Variants in AJAP1 observed in about 807,000 individuals in gnomAD.
AJAP1 encodes adherens junction-associated protein 1.
A neutral mutation model predicts 35.0 loss-of-function variants in AJAP1; 5 were observed. The observed-to-expected ratio is 0.14, with a 90% confidence interval of 0.07 to 0.30. The LOEUF (loss-of-function observed/expected upper bound fraction) is 0.30, where lower values mean the gene tolerates loss of function less well. Ranked by LOEUF, AJAP1 falls within the 10% of genes least tolerant of loss-of-function variation. The probability of loss-of-function intolerance (pLI) is 1.00; values close to 1 mark genes in which losing one functional copy is unlikely to be tolerated. For synonymous variants in AJAP1, 284 were observed against 249.3 expected, an observed-to-expected ratio of 1.14 and a Z score of -1.31; for missense variants, 586 against 571.0, an observed-to-expected ratio of 1.03 and a Z score of -0.27.
chr1:4,694,880 C>T (rs1444816689), intron 1 of AJAP1, among the ~76,000 whole-genome samples: 1 of 152,098 alleles, frequency 6.6e-6, no homozygotes, highest in Non-Finnish European at 1.5e-5. Context: ...GTCAGGTTAG[C>T]CTCAGTATTG....
At chr1:4,738,334 A>G (rs1461035028) in intron 2 of AJAP1, among the ~76,000 whole-genome samples, 1 of 152,268 alleles carries the variant, frequency 6.6e-6, no homozygotes, top group Non-Finnish European at 1.5e-5. Context: ...GACTGAGTCA[A>G]TACACAAGAT....
At chr1:4,751,109 C>T (rs571510268) in intron 2 of AJAP1, among the ~76,000 whole-genome samples, 7 of 152,096 alleles carry the variant, frequency 4.6e-5, no homozygotes, top group Non-Finnish European at 1.0e-4. Flanking sequence ...TCTCGCTCCC[C>T]TGGCTGCCTT....
At chr1:4,767,493 A>G (rs1006244815) in intron 2 of AJAP1, among the ~76,000 whole-genome samples, 8 of 151,364 alleles carry the variant, frequency 5.3e-5, no homozygotes, top group Admixed American at 3.9e-4. Context: ...CACCATTACC[A>G]TCATTATCAC....
chr1:4,757,025 G>A (rs1313540016), intron 2 of AJAP1, among the ~76,000 whole-genome samples: 1 of 152,166 alleles, frequency 6.6e-6, no homozygotes, highest in Non-Finnish European at 1.5e-5. Context: ...CCTGGAATGA[G>A]ATGAGAGCCT....
chr1:4,761,383 C>A (rs769890628), intron 2 of AJAP1, among the ~76,000 whole-genome samples: 19 of 152,172 alleles, frequency 1.2e-4, no homozygotes, highest in Admixed American at 5.2e-4. Flanking sequence ...TAGTTCAGAG[C>A]AATCTCCAAA....
chr1:4,699,190 CA>C (rs781323676), intron 1 of AJAP1, among the ~76,000 whole-genome samples: 8 of 152,178 alleles, frequency 5.3e-5, no homozygotes, highest in Non-Finnish European at 1.0e-4. Context: ...ATGCTCTGCC[CA>C]AACCCACCTG....
intron 2 of AJAP1, among the ~76,000 whole-genome samples, chr1:4,712,920 T>G (rs1640299229): frequency 6.6e-6 from 1 of 152,174 alleles, no homozygotes; most frequent in Admixed American, 6.5e-5. Flanking sequence ...CTTTTTAGTA[T>G]GTACCTAGAA....
intron 2 of AJAP1, among the ~76,000 whole-genome samples, chr1:4,725,758 A>G (rs1325759476): frequency 6.6e-6 from 1 of 152,074 alleles, no homozygotes; most frequent in East Asian, 1.9e-4. Context: ...GGCTCCTCCC[A>G]AGGCCTCTCT....
At chr1:4,696,403 A>G (rs1639859858) in intron 1 of AJAP1, among the ~76,000 whole-genome samples, 1 of 152,126 alleles carries the variant, frequency 6.6e-6, no homozygotes, top group South Asian at 2.1e-4. Flanking sequence ...TGGAAGTTCC[A>G]GCCCTAGGGG....
At chr1:4,704,226 A>G (rs1353226372) in intron 1 of AJAP1, among the ~76,000 whole-genome samples, 2 of 149,662 alleles carry the variant, frequency 1.3e-5, no homozygotes, top group Non-Finnish European at 3.0e-5. Context: ...TTACATATGT[A>G]TACATGTGCC....
chr1:4,711,871 C>T, intron 1 of AJAP1, 29 bp from the exon 2 acceptor site: 2 of 1,436,742 alleles, frequency 1.4e-6, no homozygotes, highest in Non-Finnish European at 1.8e-6. Flanking sequence ...TTCCACTGAC[C>T]GCTCTTCTCT....
At position 4,666,531 on chromosome 1, in the gene AJAP1, TGAATCACGGGAGGGGTGC is replaced by T. The variant is rs1387150025; in HGVS notation, c.29+11079_29+11096del. On this transcript the variant is annotated intron_variant, in intron 1 of 5. Coordinates refer to ENST00000378191, the MANE Select transcript of AJAP1 (RefSeq NM_018836.4). ...CAGGAGGGGTGCGGAGAGGGGCCCG[TGAATCACGGGAGGGGTGC>T]GGAGAGGGGCCCGTGAATCACGGGA... Among the ~76,000 whole-genome samples the T allele has an allele frequency of 1.4e-4, 18 of 132,454 alleles. 1 individual carries two copies. The highest frequency in any genetic ancestry group is 4.9e-4 in the African/African-American group (17 of 34,460). 86.9% of individuals were successfully genotyped at this position (132,454 alleles called of 152,430 possible).
rs904660597 is a variant in AJAP1 at position 4,782,986 on chromosome 1, C to T, written c.*501C>T. On this transcript the variant is annotated 3_prime_UTR_variant, in exon 6 of 6. Coordinates refer to ENST00000378191, the MANE Select transcript of AJAP1 (RefSeq NM_018836.4). This position sits in a 1 kb window ranked among gnomAD's most constrained non-coding sequence, Gnocchi z 5.3. ...AGAAAACAGGGGTGGGAATCTCTTC[C>T]GATAGAGTCGCTATTTCTGGTTAAT... The T allele has an allele frequency of 1.5e-5, 6 of 396,216 alleles. No individual in the cohort carries two copies. The highest frequency in any genetic ancestry group is 3.6e-5 in the East Asian group (1 of 28,018). The allele number at this position is 396,216 out of a possible 1,614,324, so 24.5% of individuals were successfully genotyped here.
intron 1 of AJAP1, among the ~76,000 whole-genome samples, chr1:4,662,653 T>G (rs1639025258): frequency 6.6e-6 from 1 of 152,192 alleles, no homozygotes; most frequent in East Asian, 1.9e-4. Context: ...TTATGTGTCG[T>G]TAGATGGATG....
At chr1:4,661,991 T>G (rs1451923052) in intron 1 of AJAP1, among the ~76,000 whole-genome samples, 1 of 152,148 alleles carries the variant, frequency 6.6e-6, no homozygotes, top group Admixed American at 6.6e-5. Flanking sequence ...ATGATCACAT[T>G]GAGAAAGTTG....
At chr1:4,744,711 C>T (rs1641149649) in intron 2 of AJAP1, among the ~76,000 whole-genome samples, 1 of 152,146 alleles carries the variant, frequency 6.6e-6, no homozygotes, top group Non-Finnish European at 1.5e-5. Context: ...CACACAGTCA[C>T]ATATACCCTG....
At chr1:4,721,022 C>A (rs3753698) in intron 2 of AJAP1, among the ~76,000 whole-genome samples, 2 of 152,182 alleles carry the variant, frequency 1.3e-5, no homozygotes, top group East Asian at 1.9e-4. Context: ...ATTTCCTTTG[C>A]AAGGGGCACG....
intron 2 of AJAP1, among the ~76,000 whole-genome samples, chr1:4,721,204 G>A (rs1244445944): frequency 1.3e-5 from 2 of 152,216 alleles, no homozygotes; most frequent in African/African-American, 4.8e-5. Flanking sequence ...GCATTTGTGA[G>A]TGGGGACTGG....
In AJAP1 at chr1:4,734,954, C is replaced by T. The variant is rs1252663377; in HGVS notation, c.829+22255C>T. ...TGTTTCTCGACTCCTCCGTCCATCG[C>T]CTGCAAGCTGAGCCGCGTGATGGAG... On this transcript the variant is annotated intron_variant, in intron 2 of 5. Coordinates refer to ENST00000378191, the MANE Select transcript of AJAP1 (RefSeq NM_018836.4). This position sits in a 1 kb window ranked among gnomAD's most constrained non-coding sequence, Gnocchi z 4.3. 2.6e-5 allele frequency among the ~76,000 whole-genome samples: 4 copies of T among 152,230 alleles called. No homozygotes were observed. Among genetic ancestry groups the T allele is most frequent in the African/African-American group, 7.2e-5 (3 of 41,462 alleles).
Sources: gnomAD v4.1 joint callset for allele counts (sites outside exome capture counted in the v4.1 genomes callset) on GRCh38, gnomAD v4.1.1 for gene constraint, Gnocchi (gnomAD v3.1) non-coding constraint, MANE v1.5 for transcripts, NCBI Gene and HGNC (gene_info 2026-07-23, HGNC 2026-07-21) for gene names.